The following KIF5B variants were observed in gnomAD, a reference collection of about 807,000 sequenced individuals.
KIF5B encodes kinesin-1 heavy chain.
Under a neutral mutation model 132.8 loss-of-function variants are expected in KIF5B, and 49 were observed. That is an observed-to-expected ratio of 0.37 (90% CI 0.29 to 0.47). KIF5B has a LOEUF of 0.47. KIF5B is among the 20% of genes least tolerant of loss of function. KIF5B has a pLI of 1.00. For synonymous variants in KIF5B, 355 were observed against 369.4 expected, an observed-to-expected ratio of 0.96 and a Z score of 0.45; for missense variants, 780 against 1,144.0, an observed-to-expected ratio of 0.68 and a Z score of 4.59.
At chr10:32,018,616 T>C (rs1841212675) in intron 20 of KIF5B, 54 bp from the exon 21 acceptor site, 1 of 1,285,942 alleles carries the variant, frequency 7.8e-7, no homozygotes, top group Admixed American at 2.0e-5. Flanking sequence ...TATATTGTAC[T>C]TAGCATGAGA....
At chr10:32,045,160 A>G (rs1841593237) in intron 2 of KIF5B, among the ~76,000 whole-genome samples, 1 of 152,186 alleles carries the variant, frequency 6.6e-6, no homozygotes, top group Non-Finnish European at 1.5e-5. Context: ...GCCTATTATT[A>G]AGAGACTGTG....
At chr10:32,039,550 G>A (rs1391025882) in intron 3 of KIF5B, 119 bp from the exon 4 acceptor site, 19 of 594,868 alleles carry the variant, frequency 3.2e-5, no homozygotes, top group Non-Finnish European at 5.0e-5. Flanking sequence ...TTGTGGAAAC[G>A]GCTCTGTAAA....
rs181584075 is a variant in KIF5B at position 32,018,761 on chromosome 10, C to T, written c.2307-199G>A. Among the ~76,000 whole-genome samples, 4 of 151,720 alleles carry T rather than the reference C, an allele frequency of 2.6e-5. No homozygotes were observed. In the East Asian group the frequency reaches 7.7e-4, roughly 29 times the overall value. On this transcript the variant is annotated intron_variant, in intron 20 of 25. Transcript: ENST00000302418. ...TTTTTTTTGACACAGAGTTTCTGTC[C>T]CAAACACTGCTCACTGCAACCTCAA... is the stretch of plus-strand genomic sequence containing the variant.
intron 15 of KIF5B, among the ~76,000 whole-genome samples, chr10:32,025,843 T>C (rs536578525): frequency 6.6e-6 from 1 of 152,384 alleles, no homozygotes; most frequent in East Asian, 1.9e-4. Context: ...CTTAAATGCA[T>C]ACTGGTAAGT....
At chr10:32,044,577 C>G (rs1841585215) in intron 2 of KIF5B, among the ~76,000 whole-genome samples, 1 of 151,990 alleles carries the variant, frequency 6.6e-6, no homozygotes, top group Non-Finnish European at 1.5e-5. Flanking sequence ...GAGGCTGAGG[C>G]AGGAGAATTG....
In KIF5B at chr10:32,037,325, G is replaced by C; in HGVS notation, c.640C>G (p.Gln214Glu). The change falls in exon 8 of 26, where the codon CAA becomes GAA. Residue 214 changes from glutamine to glutamate, a missense_variant. Around this residue, in one of 9 missense-constraint regions of KIF5B, gnomAD observed 76 missense variants for 146.4 expected, o/e 0.52. Transcript: ENST00000302418. ...SHSIFLINVKQENTQTEQKLS... is the reference protein window; with the variant it reads ...SHSIFLINVKEENTQTEQKLS... ...TTTTGTTCCGTTTGTGTGTTCTCTT[G>C]TTTGACATTAATAAGAAATATACTG... The C allele has an allele frequency of 6.2e-7, 1 of 1,612,966 alleles. No individual in the cohort carries two copies. The highest frequency in any genetic ancestry group is 8.5e-7 in the Non-Finnish European group (1 of 1,179,028).
At chr10:32,030,582 C>T (rs1841390199) in intron 14 of KIF5B, among the ~76,000 whole-genome samples, 1 of 151,926 alleles carries the variant, frequency 6.6e-6, no homozygotes, top group South Asian at 2.1e-4. Flanking sequence ...CACTGTTCCA[C>T]GTAGTGGAAA....
At position 32,015,802 on chromosome 10, in the gene KIF5B, T is replaced by C. The variant is rs1334792536; in HGVS notation, c.2762-143A>G. Reference sequence around the variant, plus strand: ...TTTTGTTTCTCCATCACTTTTTCTTTTCTGTAACATCCTTTTCTCTAGGAC... The same window carrying C: ...TTTTGTTTCTCCATCACTTTTTCTTCTCTGTAACATCCTTTTCTCTAGGAC... On this transcript the variant is annotated intron_variant, in intron 24 of 25. Coordinates refer to ENST00000302418, the MANE Select transcript of KIF5B (RefSeq NM_004521.3). 40 of 639,762 alleles carry C rather than the reference T, an allele frequency of 6.3e-5. 1 individual carries two copies. Among genetic ancestry groups the C allele is most frequent in the Non-Finnish European group, 8.3e-5 (32 of 384,816 alleles). 39.6% of individuals were successfully genotyped at this position (639,762 alleles called of 1,614,324 possible). A position where few individuals can be genotyped will look rare whatever the true frequency, so the allele number is the denominator to read the frequency against.
intron 1 of KIF5B, among the ~76,000 whole-genome samples, chr10:32,054,607 C>G (rs1287333694): frequency 6.6e-6 from 1 of 152,062 alleles, no homozygotes; most frequent in Non-Finnish European, 1.5e-5. Flanking sequence ...ATTAAATAGC[C>G]CCAATACAGT....
At position 32,021,032 on chromosome 10, in the gene KIF5B, C is replaced by G. The variant is rs1050253038; in HGVS notation, c.2194G>C (p.Asp732His). ...AAGTATAATACTTACTCTTGAAGAT[C>G]AGTAATAAGTTTTGCTTTTGCTTCT... ...EVEAKAKLIT[D>H]LQDQNQKMML... Residue 732 changes from aspartate to histidine, a missense_variant, in exon 19 of 26, where the codon GAT becomes CAT. Coordinates refer to ENST00000302418, the MANE Select transcript of KIF5B (RefSeq NM_004521.3). 18 of 1,570,120 alleles carry G rather than the reference C, an allele frequency of 1.1e-5. 1 individual carries two copies. The Middle Eastern group carries it at 2.2e-3, about 193-fold the overall frequency.
chr10:32,022,945 T>C lies in KIF5B; in HGVS notation c.1817A>G (p.Lys606Arg), dbSNP rs1841285116. The part of the protein sequence containing the change: ...KMKSEVKTMV[K>R]RCKQLESTQT... ...TGTGCTTTCTAACTGCTTGCAACGT[T>C]TCACCATGGTTTTTACTTCTGACTT... is the stretch of plus-strand genomic sequence containing the variant. The change falls in exon 16 of 26, where the codon AAA (lysine) becomes AGA (arginine). Residue 606 changes from lysine to arginine, a missense_variant. By Grantham distance (26) the Lys-to-Arg change is conservative (BLOSUM62 2). Around this residue, in one of 9 missense-constraint regions of KIF5B, gnomAD observed 471 missense variants for 569.9 expected, o/e 0.83. Transcript: ENST00000302418. 1 of 1,613,562 alleles carries C rather than the reference T, an allele frequency of 6.2e-7. No individual in the cohort carries two copies. Among genetic ancestry groups the C allele is most frequent in the Non-Finnish European group, 8.5e-7 (1 of 1,179,592 alleles).
In KIF5B at chr10:32,035,505, C is replaced by G; in HGVS notation, c.962+17G>C. 1 of 1,595,940 alleles carries G rather than the reference C, an allele frequency of 6.3e-7. No homozygotes were observed. The highest frequency in any genetic ancestry group is 1.1e-5 in the South Asian group (1 of 87,566). ...GGTCTATCTAAATTTAGGTTTTGTA[C>G]TTTCTTAACAACAAACCTTTGGCCA... On this transcript the variant is annotated intron_variant, in intron 10 of 25. Coordinates refer to ENST00000302418, the MANE Select transcript of KIF5B (RefSeq NM_004521.3).
Position 32,035,856 on chromosome 10 carries a change from A to C in KIF5B, c.816+34T>G, listed in dbSNP as rs369854686. 2.2e-5 allele frequency: 33 copies of C among 1,515,198 alleles called. No homozygotes were observed. In the Middle Eastern group the frequency reaches 5.1e-4, roughly 24 times the overall value. 93.9% of individuals were successfully genotyped at this position (1,515,198 alleles called of 1,614,324 possible). ...ACCTATATTTAAATAATGCCCCATA[A>C]GGTAACAGGGAGATAGAAGACATGT... On this transcript the variant is annotated intron_variant, in intron 9 of 25. Transcript: ENST00000302418.
chr10:32,016,574 G>A (rs964697976), intron 24 of KIF5B, among the ~76,000 whole-genome samples: 4 of 152,072 alleles, frequency 2.6e-5, no homozygotes, highest in Non-Finnish European at 5.9e-5. Flanking sequence ...CACCCAGGCC[G>A]GAGTGCAATG....
chr10:32,035,782 ATC>A, intron 9 of KIF5B, 106 bp downstream of exon 9: 1 of 1,328,860 alleles, frequency 7.5e-7, no homozygotes, highest in South Asian at 1.4e-5. Flanking sequence ...TTGAATCTCA[ATC>A]TCTCTTTCTC....
chr10:32,055,776 C>T, intron 1 of KIF5B, 72 bp downstream of exon 1: 4 of 1,570,526 alleles, frequency 2.5e-6, no homozygotes, highest in Non-Finnish European at 3.5e-6. Context: ...CTGCACCCTG[C>T]CACTTCCCTA....
intron 15 of KIF5B, among the ~76,000 whole-genome samples, chr10:32,026,315 G>A (rs1049407388): frequency 2.0e-5 from 3 of 151,682 alleles, no homozygotes; most frequent in African/African-American, 4.8e-5. Flanking sequence ...GCACACGCCT[G>A]TAATCCTAGC....
Position 32,015,561 on chromosome 10 carries a change from C to T in KIF5B, c.2860G>A (p.Ala954Thr), listed in dbSNP as rs1841147580. 1 of 1,613,144 alleles carries T rather than the reference C, an allele frequency of 6.2e-7. No homozygotes were observed. The highest frequency in any genetic ancestry group is 8.5e-7 in the Non-Finnish European group (1 of 1,179,544). Residue 954 changes from alanine (A) to threonine (T), a missense_variant, in exon 25 of 26, where the codon GCA becomes ACA. Transcript: ENST00000302418. ...GAFVQNSQPV[A>T]VRGGGGKQV ...TGTTTGCCTCCTCCACCTCGCACTG[C>T]CACTGGCTGGCTGTTCTGAACAAAT...
chr10:32,037,123 C>T (rs1277649850), intron 8 of KIF5B, 131 bp downstream of exon 8: 10 of 736,646 alleles, frequency 1.4e-5, no homozygotes, highest in Admixed American at 2.8e-5. Flanking sequence ...CTGGCATCAG[C>T]GGTTACAAAT....
Sources: allele counts gnomAD v4.1 joint callset (sites outside exome capture counted in the v4.1 genomes callset), GRCh38; gene constraint gnomAD v4.1.1; regional missense constraint gnomAD v4.1.1; transcripts MANE v1.5; gene names NCBI Gene and HGNC (gene_info 2026-07-23, HGNC 2026-07-21).